Variants in ARID1A observed in about 807,000 individuals in gnomAD.
The protein encoded by ARID1A is AT-rich interactive domain-containing protein 1A.
ARID1A carries 20 observed loss-of-function variants against 212.6 expected under a neutral mutation model. The ratio of observed to expected loss-of-function variants is 0.09; its 90% confidence interval spans 0.07 to 0.14. The LOEUF (loss-of-function observed/expected upper bound fraction) is 0.14. Among genes scored for constraint, ARID1A ranks in the 10% least tolerant of loss-of-function variants. ARID1A has a pLI of 1.00. For synonymous variants in ARID1A, 1,376 were observed against 1,222.1 expected (o/e 1.13, Z -2.63); for missense variants, 2,587 against 3,059.0 (o/e 0.85, Z 3.64).
At chr1:26,711,613 G>T (rs1018731022) in intron 1 of ARID1A, among the ~76,000 whole-genome samples, 1 of 152,194 alleles carries the variant, frequency 6.6e-6, no homozygotes, top group South Asian at 2.1e-4. Context: ...ATACTTTTGA[G>T]ATGGACCTTT....
intron 19 of ARID1A, among the ~76,000 whole-genome samples, chr1:26,776,636 A>G (rs2081139272): frequency 6.6e-6 from 1 of 152,152 alleles, no homozygotes; most frequent in African/African-American, 2.4e-5. Flanking sequence ...ACACTAGTGG[A>G]GGTGCTGGAA....
rs1486225602 is a variant in ARID1A at position 26,771,785 on chromosome 1, CTCTGCT to C, written c.3406+460_3406+465del. On this transcript the variant is annotated intron_variant, in intron 12 of 19. Coordinates refer to ENST00000324856, the MANE Select transcript of ARID1A (RefSeq NM_006015.6). This position sits in a 1 kb window ranked among gnomAD's most constrained non-coding sequence, Gnocchi z 5.4. ...GAATGGAACTCCCTGATGGGAGTGG[CTCTGCT>C]CACCCTCCTTTCTGAGAGGAGGCTG... 5.4e-6 allele frequency: 1 copy of C among 183,920 alleles called. No individual in the cohort carries two copies. The highest frequency in any genetic ancestry group is 1.1e-5 in the Non-Finnish European group (1 of 87,346). 11.4% of individuals were successfully genotyped at this position (183,920 alleles called of 1,614,324 possible).
chr1:26,724,436 T>G (rs999055187), intron 1 of ARID1A, among the ~76,000 whole-genome samples: 3 of 152,190 alleles, frequency 2.0e-5, no homozygotes, highest in African/African-American at 7.2e-5. Flanking sequence ...TAAATAAAAT[T>G]ATGAAGTTTC....
chr1:26,776,638 G>C (rs1160463244), intron 19 of ARID1A, among the ~76,000 whole-genome samples: 1 of 152,178 alleles, frequency 6.6e-6, no homozygotes, highest in Non-Finnish European at 1.5e-5. Context: ...ACTAGTGGAG[G>C]TGCTGGAAAG....
intron 1 of ARID1A, among the ~76,000 whole-genome samples, chr1:26,714,358 T>A (rs773573566): frequency 6.6e-6 from 1 of 152,240 alleles, no homozygotes; most frequent in Non-Finnish European, 1.5e-5. Flanking sequence ...AGGGAATTGC[T>A]GACCTTAAAA....
intron 10 of ARID1A, among the ~76,000 whole-genome samples, chr1:26,766,957 TAGC>T (rs749608877): frequency 6.2e-4 from 95 of 152,126 alleles, no homozygotes; most frequent in Non-Finnish European, 1.0e-3. Context: ...ACCTTACTCA[TAGC>T]AGCAGGAATG....
intron 4 of ARID1A, among the ~76,000 whole-genome samples, chr1:26,746,743 T>C (rs1040486332): frequency 6.6e-6 from 1 of 151,830 alleles, no homozygotes; most frequent in East Asian, 1.9e-4. Flanking sequence ...TACAAAAAAT[T>C]AGCTGGGTGT....
At chr1:26,751,270 G>A (rs1570593547) in intron 4 of ARID1A, among the ~76,000 whole-genome samples, 1 of 151,218 alleles carries the variant, frequency 6.6e-6, no homozygotes, top group East Asian at 2.1e-4. Flanking sequence ...AAAAGGACAG[G>A]GGAACACATA....
At chr1:26,753,420 G>A (rs2080901619) in intron 4 of ARID1A, among the ~76,000 whole-genome samples, 3 of 152,172 alleles carry the variant, frequency 2.0e-5, no homozygotes, top group African/African-American at 7.2e-5. Context: ...TCCTCTATCA[G>A]GTCACATCCC....
At chr1:26,742,376 C>G (rs903049469) in intron 4 of ARID1A, among the ~76,000 whole-genome samples, 10 of 152,086 alleles carry the variant, frequency 6.6e-5, no homozygotes, top group African/African-American at 2.2e-4. Context: ...GAACCGTTGA[C>G]TAGAGTTTGG....
At chr1:26,746,553 T>C (rs2080836759) in intron 4 of ARID1A, among the ~76,000 whole-genome samples, 1 of 152,152 alleles carries the variant, frequency 6.6e-6, no homozygotes, top group African/African-American at 2.4e-5. Flanking sequence ...GAGAATCTGT[T>C]TCTTCAAACT....
intron 4 of ARID1A, among the ~76,000 whole-genome samples, chr1:26,753,955 C>T (rs556954560): frequency 2.0e-4 from 30 of 152,212 alleles, no homozygotes; most frequent in South Asian, 1.7e-3. Context: ...TACAGGCACA[C>T]GCCACCACGC....
chr1:26,765,508 TA>T (rs2081031262), intron 8 of ARID1A: 1 of 150,532 alleles, frequency 6.6e-6, no homozygotes, highest in Non-Finnish European at 1.5e-5. Context: ...AAAATTGAAC[TA>T]TTGTTTGCTA....
At chr1:26,710,351 T>C (rs1177675576) in intron 1 of ARID1A, among the ~76,000 whole-genome samples, 1 of 134,106 alleles carries the variant, frequency 7.5e-6, no homozygotes, top group Non-Finnish European at 1.7e-5. Flanking sequence ...GGAGAATCGC[T>C]TGAACCTGGG....
At chr1:26,704,327 C>T (rs1420484584) in intron 1 of ARID1A, among the ~76,000 whole-genome samples, 1 of 152,116 alleles carries the variant, frequency 6.6e-6, no homozygotes, top group Non-Finnish European at 1.5e-5. Flanking sequence ...CCCTGGACAG[C>T]TCTGTAGTAA....
chr1:26,743,048 T>C (rs1332538229), intron 4 of ARID1A, among the ~76,000 whole-genome samples: 1 of 152,228 alleles, frequency 6.6e-6, no homozygotes, highest in East Asian at 1.9e-4. Flanking sequence ...AATATTTAAG[T>C]AATCTCTGAG....
chr1:26,697,480 C>A lies in ARID1A; in HGVS notation c.1077C>A (p.His359Gln). 7.1e-7 allele frequency: 1 copy of A among 1,401,970 alleles called. No homozygotes were observed. The allele number at this position is 1,401,970 out of a possible 1,614,324, so 86.8% of individuals were successfully genotyped here. ...ASGGAQQRSH[H>Q]APMSPGSSGG... ...GAGGGGCCCAACAAAGGAGCCACCA[C>A]GCGCCCATGAGCCCCGGGAGCAGCG... The change falls in exon 1 of 20, where the codon CAC becomes CAA. Residue 359 changes from histidine (H) to glutamine (Q), a missense_variant. Physicochemically the swap from His to Gln is conservative, Grantham distance 24. Around this residue, in one of 11 missense-constraint regions of ARID1A, gnomAD observed 735 missense variants for 590.6 expected, o/e 1.24. Transcript: ENST00000324856.
intron 4 of ARID1A, 70 bp from the exon 5 acceptor site, chr1:26,760,786 A>G (rs2124052910): frequency 6.7e-7 from 1 of 1,486,058 alleles, no homozygotes; most frequent in Non-Finnish European, 9.2e-7. Flanking sequence ...CTAAGCAAGT[A>G]GTAGGATTAT....
intron 1 of ARID1A, among the ~76,000 whole-genome samples, chr1:26,724,676 G>T (rs749315570): frequency 6.6e-6 from 1 of 152,112 alleles, no homozygotes; most frequent in Non-Finnish European, 1.5e-5. Context: ...GCCGTTTTTG[G>T]GGGTCATTTT....
Sources: allele counts gnomAD v4.1 joint callset (sites outside exome capture counted in the v4.1 genomes callset), GRCh38; gene constraint gnomAD v4.1.1; regional missense constraint gnomAD v4.1.1; non-coding constraint Gnocchi (gnomAD v3.1); transcripts MANE v1.5; gene names NCBI Gene and HGNC (gene_info 2026-07-23, HGNC 2026-07-21).